The following NT5C3B variants were observed in gnomAD, a reference collection of about 807,000 sequenced individuals.
NT5C3B encodes 7-methylguanosine phosphate-specific 5'-nucleotidase.
NT5C3B carries 28 observed loss-of-function variants against 32.5 expected under a neutral mutation model. That is an observed-to-expected ratio of 0.86 (90% CI 0.64 to 1.18). The LOEUF is 1.18. Ranked by LOEUF, NT5C3B falls within the 50% of genes most tolerant of loss-of-function variation. The pLI is 0.00. For missense variants in NT5C3B, 317 were observed against 322.0 expected, an observed-to-expected ratio of 0.98 and a Z score of 0.12; for synonymous variants, 138 against 118.0, an observed-to-expected ratio of 1.17 and a Z score of -1.10.
intron 6 of NT5C3B, among the ~76,000 whole-genome samples, chr17:41,830,482 C>T (rs1007118139): frequency 9.2e-5 from 14 of 152,122 alleles, no homozygotes; most frequent in African/African-American, 3.4e-4. Context: ...GCACTCCAGC[C>T]TGGCGACAGA....
In NT5C3B at chr17:41,836,208, G is replaced by T; in HGVS notation, c.-15C>A. ...TCCTCTGCCATCCCGTTCGAGGCCTGGTCGGCGGCTCGCGGGACAACGACA... is the reference window on the plus strand; with the variant it reads ...TCCTCTGCCATCCCGTTCGAGGCCTTGTCGGCGGCTCGCGGGACAACGACA... On this transcript the variant is annotated 5_prime_UTR_variant, in exon 1 of 9. Transcript: ENST00000435506. 1 of 1,243,068 alleles carries T rather than the reference G, an allele frequency of 8.0e-7. No individual in the cohort carries two copies. The highest frequency in any genetic ancestry group is 1.0e-6 in the Non-Finnish European group (1 of 995,594). 77.0% of individuals were successfully genotyped at this position (1,243,068 alleles called of 1,614,324 possible). A position where few individuals can be genotyped will look rare whatever the true frequency, so the allele number is the denominator to read the frequency against.
intron 5 of NT5C3B, among the ~76,000 whole-genome samples, chr17:41,831,797 TGTAACCC>T (rs1406703017): frequency 6.6e-6 from 1 of 152,216 alleles, no homozygotes; most frequent in Non-Finnish European, 1.5e-5. Context: ...GGCTCATGCC[TGTAACCC>T]CAAGACTTTG....
chr17:41,832,491 A>T lies in NT5C3B; in HGVS notation c.229-14T>A. 1 of 1,608,930 alleles carries T rather than the reference A, an allele frequency of 6.2e-7. No homozygotes were observed. The highest frequency in any genetic ancestry group is 8.5e-7 in the Non-Finnish European group (1 of 1,176,004). ...GAGCGCTGTGAGCTGGGATATCCAA[A>T]TGGGGAGAAAGGCCATTAGTCCATA... On this transcript the variant is annotated splice_polypyrimidine_tract_variant and intron_variant, in intron 4 of 8. Coordinates refer to ENST00000435506, the MANE Select transcript of NT5C3B (RefSeq NM_052935.5).
intron 8 of NT5C3B, among the ~76,000 whole-genome samples, chr17:41,826,947 C>T (rs1555618268): frequency 2.7e-5 from 4 of 149,772 alleles, no homozygotes; most frequent in Non-Finnish European, 5.9e-5. Context: ...TTGCAGTAAG[C>T]CAAGATGGCG....
At chr17:41,835,833 C>G (rs1555619841) in intron 2 of NT5C3B, 26 bp downstream of exon 2, 1 of 1,583,594 alleles carries the variant, frequency 6.3e-7, no homozygotes, top group Non-Finnish European at 8.6e-7. Flanking sequence ...CCCAGCCCGG[C>G]CGGCCCCCGC....
intron 7 of NT5C3B, 112 bp downstream of exon 7, chr17:41,828,678 A>C: frequency 1.0e-6 from 1 of 987,920 alleles, no homozygotes; most frequent in Non-Finnish European, 1.5e-6. Context: ...TGAAGAAGCT[A>C]GAGTGGCTTC....
At chr17:41,833,615 G>A (rs577324431) in intron 4 of NT5C3B, among the ~76,000 whole-genome samples, 5 of 152,142 alleles carry the variant, frequency 3.3e-5, no homozygotes, top group South Asian at 2.1e-4. Context: ...CACCACACCC[G>A]GCCTGTTTCT....
intron 5 of NT5C3B, among the ~76,000 whole-genome samples, chr17:41,832,110 C>T (rs903111944): frequency 6.6e-6 from 1 of 152,098 alleles, no homozygotes; most frequent in Non-Finnish European, 1.5e-5. Context: ...GACAGCAGCA[C>T]AAAACAGACT....
intron 8 of NT5C3B, among the ~76,000 whole-genome samples, chr17:41,826,140 A>T (rs1555618112): frequency 6.7e-6 from 1 of 149,966 alleles, no homozygotes; most frequent in Admixed American, 6.7e-5. Flanking sequence ...TAGGTGACAG[A>T]GTGAGGCCCT....
intron 6 of NT5C3B, among the ~76,000 whole-genome samples, chr17:41,829,701 C>A (rs1279350139): frequency 6.6e-6 from 1 of 152,196 alleles, no homozygotes; most frequent in Non-Finnish European, 1.5e-5. Flanking sequence ...AAATATGCCA[C>A]AATTTATCTA....
rs782173364 is a variant in NT5C3B at position 41,832,428 on chromosome 17, C to T, written c.278G>A (p.Arg93Gln). 38 of 1,613,602 alleles carry T rather than the reference C, an allele frequency of 2.4e-5. No homozygotes were observed. Among genetic ancestry groups the T allele is most frequent in the South Asian group, 1.5e-4 (14 of 91,072 alleles). ...HYYPIEIDPH[R>Q]TVKEKLPHMV... ...ATGAGGTAGCTTCTCCTTGACGGTC[C>T]GGTGTGGGTCGATCTCAATTGGGTA... is the stretch of plus-strand genomic sequence containing the variant. Residue 93 changes from arginine to glutamine, a missense_variant, in exon 5 of 9, where the codon CGG (arginine) becomes CAG (glutamine). By Grantham distance (43) the Arg-to-Gln change is conservative. Transcript: ENST00000435506.
At chr17:41,835,650 A>G in intron 2 of NT5C3B, 2 of 708,786 alleles carry the variant, frequency 2.8e-6, no homozygotes, top group Non-Finnish European at 5.1e-6. Context: ...CTTCTGTCCA[A>G]TTAGAGGAAG....
At chr17:41,829,305 A>C (rs2048015210) in intron 6 of NT5C3B, among the ~76,000 whole-genome samples, 1 of 152,210 alleles carries the variant, frequency 6.6e-6, no homozygotes, top group African/African-American at 2.4e-5. Context: ...TACAGGCATG[A>C]GGCGAGATCG....
Position 41,834,724 on chromosome 17 carries a change from G to C in NT5C3B, c.228+346C>G, listed in dbSNP as rs192818145. Among the ~76,000 whole-genome samples the C allele has an allele frequency of 1.0e-3, 155 of 152,312 alleles. 1 individual carries two copies. The highest frequency in any genetic ancestry group is 3.6e-3 in the African/African-American group (150 of 41,584). On this transcript the variant is annotated intron_variant, in intron 4 of 8. Coordinates refer to ENST00000435506, the MANE Select transcript of NT5C3B (RefSeq NM_052935.5). ...AGATCAAGCCATTGCACTCCAGCCT[G>C]GGTGATAGAGTGAGACCCTGTCTCA...
At chr17:41,834,399 C>T (rs1310122242) in intron 4 of NT5C3B, among the ~76,000 whole-genome samples, 12 of 111,736 alleles carry the variant, frequency 1.1e-4, no homozygotes, top group South Asian at 2.8e-4. Context: ...AAAATACACA[C>T]ACACACACAC....
chr17:41,832,521 G>A (rs1555619195), intron 4 of NT5C3B, 44 bp from the exon 5 acceptor site: 1 of 1,555,350 alleles, frequency 6.4e-7, no homozygotes, highest in Non-Finnish European at 8.9e-7. Context: ...TCCATATCAA[G>A]TTCTTCCCAG....
Position 41,836,226 on chromosome 17 carries a change from C to T in NT5C3B, c.-33G>A, listed in dbSNP as rs936141085. ...GAGGCCTGGTCGGCGGCTCGCGGGACAACGACAGCCCCGCGACCGCACTGC... is the reference window on the plus strand; with the variant it reads ...GAGGCCTGGTCGGCGGCTCGCGGGATAACGACAGCCCCGCGACCGCACTGC... On this transcript the variant is annotated 5_prime_UTR_variant, in exon 1 of 9. Coordinates refer to ENST00000435506, the MANE Select transcript of NT5C3B (RefSeq NM_052935.5). 2.4e-6 allele frequency: 3 copies of T among 1,235,642 alleles called. No homozygotes were observed. The highest frequency in any genetic ancestry group is 3.0e-6 in the Non-Finnish European group (3 of 991,350). The allele number at this position is 1,235,642 out of a possible 1,614,324, so 76.5% of individuals were successfully genotyped here.
chr17:41,832,127 C>G (rs2048061877), intron 5 of NT5C3B, among the ~76,000 whole-genome samples: 1 of 152,178 alleles, frequency 6.6e-6, no homozygotes, highest in Admixed American at 6.6e-5. Flanking sequence ...GACTAAAAGT[C>G]ACTTCCACAA....
At chr17:41,828,310 A>AG (rs1418101392) in intron 7 of NT5C3B, 1 of 156,308 alleles carries the variant, frequency 6.4e-6, no homozygotes, top group Admixed American at 6.2e-5. Context: ...GCAAACACCA[A>AG]AGAGAGAGGA....
Sources: allele counts gnomAD v4.1 joint callset (sites outside exome capture counted in the v4.1 genomes callset), GRCh38; gene constraint gnomAD v4.1.1; transcripts MANE v1.5; gene names NCBI Gene and HGNC (gene_info 2026-07-23, HGNC 2026-07-21).